Variants in ATG13 observed in about 807,000 individuals in gnomAD.
ATG13 encodes autophagy related 13, also known as autophagy-related protein 13.
ATG13 carries 23 observed loss-of-function variants against 65.5 expected under a neutral mutation model. That is an observed-to-expected ratio of 0.35 (90% CI 0.25 to 0.50). The LOEUF (loss-of-function observed/expected upper bound fraction) is 0.50, where lower values mean the gene tolerates loss of function less well. Ranked by LOEUF, ATG13 falls within the 20% of genes least tolerant of loss-of-function variation. The probability of loss-of-function intolerance (pLI) is 0.98; values close to 1 mark genes in which losing one functional copy is unlikely to be tolerated. For missense variants in ATG13, 566 were observed against 677.0 expected (o/e 0.84, Z 1.82); for synonymous variants, 252 against 245.2 (o/e 1.03, Z -0.26).
At chr11:46,670,109 A>G (rs1490564298) in intron 18 of ATG13, among the ~76,000 whole-genome samples, 1 of 152,184 alleles carries the variant, frequency 6.6e-6, no homozygotes, top group Non-Finnish European at 1.5e-5. Context: ...AGGTGGAATG[A>G]TCACCTCCTA....
At chr11:46,633,027 T>TATATATA (rs1491210178) in intron 2 of ATG13, among the ~76,000 whole-genome samples, 22 of 81,044 alleles carry the variant, frequency 2.7e-4, no homozygotes, top group South Asian at 1.2e-3. Context: ...TATATATATA[T>TATATATA]TTTTTTTTTT....
At chr11:46,622,045 T>C (rs2135599035) in intron 1 of ATG13, among the ~76,000 whole-genome samples, 1 of 141,254 alleles carries the variant, frequency 7.1e-6, no homozygotes, top group Non-Finnish European at 1.5e-5. Flanking sequence ...ACCCTGTTGA[T>C]GAAAGGCCAC....
At chr11:46,647,538 A>G (rs1311208580) in intron 5 of ATG13, among the ~76,000 whole-genome samples, 1 of 151,848 alleles carries the variant, frequency 6.6e-6, no homozygotes, top group Non-Finnish European at 1.5e-5. Flanking sequence ...TGGGCCTCCC[A>G]AAGTGCTAAG....
chr11:46,664,723 C>T (rs1480981565), intron 12 of ATG13, 126 bp from the exon 13 acceptor site: 6 of 789,566 alleles, frequency 7.6e-6, no homozygotes. Context: ...AGGCCCCCTG[C>T]ACTGTGGGCA....
At chr11:46,664,312 T>C (rs2061811906) in intron 12 of ATG13, among the ~76,000 whole-genome samples, 1 of 152,082 alleles carries the variant, frequency 6.6e-6, no homozygotes, top group Non-Finnish European at 1.5e-5. Context: ...ATGTGAAAAA[T>C]ACATGGAGTT....
At chr11:46,667,667 C>A in intron 14 of ATG13, 106 bp from the exon 15 acceptor site, 1 of 768,884 alleles carries the variant, frequency 1.3e-6, no homozygotes, top group Non-Finnish European at 2.1e-6. Flanking sequence ...CAGTGGGGAC[C>A]AACTCCTGCC....
chr11:46,622,071 A>C (rs2047692016), intron 1 of ATG13, among the ~76,000 whole-genome samples: 1 of 108,000 alleles, frequency 9.3e-6, no homozygotes, highest in Non-Finnish European at 1.9e-5. Flanking sequence ...AGATTTATTT[A>C]TTTACATATA....
At chr11:46,628,938 CTTT>C (rs10714909) in intron 1 of ATG13, among the ~76,000 whole-genome samples, 10 of 137,836 alleles carry the variant, frequency 7.3e-5, no homozygotes, top group Non-Finnish European at 1.1e-4. Context: ...GATCTGTTTT[CTTT>C]TTTTTTTTTT....
chr11:46,639,806 C>T (rs1351248273), intron 2 of ATG13, among the ~76,000 whole-genome samples: 1 of 150,108 alleles, frequency 6.7e-6, no homozygotes, highest in Non-Finnish European at 1.5e-5. Flanking sequence ...GGCCTTTAAA[C>T]TGTTTGGTGT....
At chr11:46,620,514 A>G (rs979943228) in intron 1 of ATG13, among the ~76,000 whole-genome samples, 1 of 151,828 alleles carries the variant, frequency 6.6e-6, no homozygotes, top group African/African-American at 2.4e-5. Context: ...GGTTGCTCAC[A>G]CCTGAAATCC....
At chr11:46,652,057 G>A (rs957121833) in intron 7 of ATG13, among the ~76,000 whole-genome samples, 1 of 152,036 alleles carries the variant, frequency 6.6e-6, no homozygotes. Context: ...AGACAAGCCT[G>A]ACAACATAGC....
intron 7 of ATG13, among the ~76,000 whole-genome samples, chr11:46,653,211 G>A (rs1441416184): frequency 8.5e-6 from 1 of 118,308 alleles, no homozygotes; most frequent in East Asian, 2.4e-4. Flanking sequence ...GTGGAGTCTT[G>A]CTCACCTAGG....
At chr11:46,670,794 A>G (rs1187929921) in intron 18 of ATG13, among the ~76,000 whole-genome samples, 1 of 152,182 alleles carries the variant, frequency 6.6e-6, no homozygotes, top group African/African-American at 2.4e-5. Flanking sequence ...CCTAGGTGAC[A>G]GAGTGAGACC....
intron 18 of ATG13, among the ~76,000 whole-genome samples, chr11:46,670,845 CTTT>C (rs1412498025): frequency 6.6e-6 from 1 of 152,038 alleles, no homozygotes; most frequent in Non-Finnish European, 1.5e-5. Flanking sequence ...AAAATCAAGG[CTTT>C]TTGAGTGCCA....
rs1040120075 is a variant in ATG13, at chr11:46,644,309, T to C, written c.18T>C (p.Asn6=). 14 of 1,607,632 alleles carry C rather than the reference T, an allele frequency of 8.7e-6. No individual in the cohort carries two copies. The highest frequency in any genetic ancestry group is 1.2e-5 in the Non-Finnish European group (14 of 1,178,276). METDL[N]SQDRKDLDKF... is the part of the protein sequence containing the mutation. ...TATAGGCAATGGAAACTGATCTCAA[T>C]TCCCAGGACAGAAAGGACCTGGACA... The change falls in exon 3 of 19, where the codon AAT becomes AAC. Residue 6 remains asparagine, a synonymous_variant. Transcript: ENST00000683050.
intron 10 of ATG13, among the ~76,000 whole-genome samples, chr11:46,658,660 C>T (rs920289313): frequency 5.9e-5 from 9 of 151,870 alleles, no homozygotes; most frequent in South Asian, 2.1e-4. Flanking sequence ...CTGAGCCTCC[C>T]GAGTAGCTGG....
chr11:46,645,474 T>C (rs547443616), intron 4 of ATG13, 55 bp downstream of exon 4: 26 of 1,476,546 alleles, frequency 1.8e-5, no homozygotes, highest in Non-Finnish European at 2.3e-5. Flanking sequence ...ACAAGGAATG[T>C]GTAAAGTTCT....
At position 46,664,993 on chromosome 11, in the gene ATG13, C is replaced by T. The variant is rs746810797; in HGVS notation, c.999+34C>T. Reference sequence around the variant, plus strand: ...AAAGATGGGGAGGACTATGGGTTTCCAGTGCTGCCTCCCCTGCCCGGAGGC... The same window carrying T: ...AAAGATGGGGAGGACTATGGGTTTCTAGTGCTGCCTCCCCTGCCCGGAGGC... On this transcript the variant is annotated intron_variant, in intron 13 of 18. Coordinates refer to ENST00000683050, the MANE Select transcript of ATG13 (RefSeq NM_001346311.2). The T allele has an allele frequency of 2.0e-5, 32 of 1,585,980 alleles. No individual in the cohort carries two copies. The South Asian group carries it at 3.5e-4, about 18-fold the overall frequency.
chr11:46,646,599 G>T (rs1472953145), intron 5 of ATG13, among the ~76,000 whole-genome samples: 4 of 152,088 alleles, frequency 2.6e-5, no homozygotes, highest in Non-Finnish European at 5.9e-5. Flanking sequence ...AAGTGGCTTG[G>T]ATTACAGGAG....
Sources: gnomAD v4.1 joint callset for allele counts (sites outside exome capture counted in the v4.1 genomes callset) on GRCh38, gnomAD v4.1.1 for gene constraint, MANE v1.5 for transcripts, NCBI Gene and HGNC (gene_info 2026-07-23, HGNC 2026-07-21) for gene names.